PPP1R42: variants seen among roughly 807,000 people sequenced by gnomAD.
PPP1R42 encodes the protein leucine rich repeat containing 67.
PPP1R42 carries 34 observed loss-of-function variants against 31.0 expected under a neutral mutation model. The observed-to-expected ratio is 1.10, with a 90% CI of 0.83 to 1.46. The LOEUF (loss-of-function observed/expected upper bound fraction) is 1.46, where lower values mean the gene tolerates loss of function less well. Ranked by LOEUF, PPP1R42 falls within the 40% of genes most tolerant of loss-of-function variation. The pLI is 0.00. For synonymous variants in PPP1R42, 103 were observed against 109.8 expected (o/e 0.94, Z 0.39); for missense variants, 268 against 303.0 (o/e 0.88, Z 0.86).
chr8:66,969,828 G>C (rs1814493034), intron 7 of PPP1R42, among the ~76,000 whole-genome samples: 2 of 152,276 alleles, frequency 1.3e-5, no homozygotes, highest in South Asian at 4.1e-4. Context: ...TTGGCCTTTA[G>C]TATATTGCGA....
intron 5 of PPP1R42, 46 bp from the exon 6 acceptor site, chr8:66,988,563 C>A: frequency 1.3e-6 from 2 of 1,522,300 alleles, no homozygotes; most frequent in South Asian, 1.2e-5. Context: ...TTCATATTTA[C>A]CAATACTTCT....
intron 7 of PPP1R42, among the ~76,000 whole-genome samples, chr8:66,981,380 CT>C (rs1175089191): frequency 3.4e-3 from 463 of 136,144 alleles, no homozygotes; most frequent in Middle Eastern, 0.011. Context: ...GATTTTTGCA[CT>C]TTTTTTTTTT....
intron 1 of PPP1R42, among the ~76,000 whole-genome samples, chr8:67,020,858 AGAGGATTGCTT>A (rs1175363882): frequency 2.0e-5 from 3 of 152,202 alleles, no homozygotes; most frequent in Non-Finnish European, 4.4e-5. Flanking sequence ...GGCTGAGGCA[AGAGGATTGCTT>A]GAGCCCACGA....
rs116071829 is a variant in PPP1R42 at position 66,980,826 on chromosome 8, A to G, written c.802+1223T>C. 4.2e-3 allele frequency among the ~76,000 whole-genome samples: 644 copies of G among 152,172 alleles called. 9 individuals are homozygous for G. The highest frequency in any genetic ancestry group is 0.015 in the African/African-American group (610 of 41,520). ...GGGCTCATTGCAATGTCATGGGCTA[A>G]AAAATCTGTGGTCAGTTCTTTTTTT... On this transcript the variant is annotated intron_variant, in intron 7 of 7. Coordinates refer to ENST00000685739, the MANE Select transcript of PPP1R42 (RefSeq NM_001364910.1).
chr8:67,025,546 T>C (rs1463193650), intron 1 of PPP1R42, among the ~76,000 whole-genome samples: 2 of 149,110 alleles, frequency 1.3e-5, no homozygotes, highest in Non-Finnish European at 3.0e-5. Context: ...ATCTTAGGGT[T>C]TTTTTTTTTT....
chr8:67,008,707 CAA>C (rs764674038), intron 5 of PPP1R42, among the ~76,000 whole-genome samples: 17 of 72,274 alleles, frequency 2.4e-4, no homozygotes, highest in Admixed American at 2.9e-4. Flanking sequence ...GACTCTGTCT[CAA>C]AAAAAAAAAA....
intron 7 of PPP1R42, among the ~76,000 whole-genome samples, chr8:66,968,150 A>G (rs1563411406): frequency 6.6e-6 from 1 of 152,244 alleles, no homozygotes; most frequent in Non-Finnish European, 1.5e-5. Flanking sequence ...GTTTGACCTA[A>G]TCTTTAATTA....
At chr8:66,973,406 C>A (rs1385798699) in intron 7 of PPP1R42, among the ~76,000 whole-genome samples, 1 of 151,964 alleles carries the variant, frequency 6.6e-6, no homozygotes, top group Non-Finnish European at 1.5e-5. Context: ...CAGGTTCAAG[C>A]AGTTCTCTTG....
At chr8:67,007,571 T>A (rs1447786816) in intron 5 of PPP1R42, among the ~76,000 whole-genome samples, 1 of 152,124 alleles carries the variant, frequency 6.6e-6, no homozygotes, top group Non-Finnish European at 1.5e-5. Flanking sequence ...GATCTTGAAC[T>A]CCTGGCCTCA....
chr8:66,972,760 A>G (rs936655240), intron 7 of PPP1R42, among the ~76,000 whole-genome samples: 3 of 152,172 alleles, frequency 2.0e-5, no homozygotes, highest in African/African-American at 7.2e-5. Flanking sequence ...GAAATTTGTC[A>G]TATTATCCTA....
At chr8:67,019,650 T>C (rs1414597647) in intron 1 of PPP1R42, among the ~76,000 whole-genome samples, 2 of 151,766 alleles carry the variant, frequency 1.3e-5, no homozygotes, top group Non-Finnish European at 2.9e-5. Context: ...CCCAGCACTT[T>C]GGGAAGCCGA....
chr8:66,996,296 C>T (rs752165576), intron 5 of PPP1R42, among the ~76,000 whole-genome samples: 14 of 152,212 alleles, frequency 9.2e-5, no homozygotes, highest in Non-Finnish European at 2.1e-4. Flanking sequence ...AATCAATCCT[C>T]CTGCCTTGGC....
intron 1 of PPP1R42, among the ~76,000 whole-genome samples, 195 bp downstream of exon 1, chr8:67,028,296 A>G (rs1385342824): frequency 1.3e-5 from 2 of 152,128 alleles, no homozygotes; most frequent in Admixed American, 6.6e-5. Flanking sequence ...CTGTTTCACA[A>G]TCTTGCCAGC....
intron 7 of PPP1R42, among the ~76,000 whole-genome samples, chr8:66,968,175 A>ATACTTTATACATT (rs1814438956): frequency 6.6e-6 from 1 of 152,236 alleles, no homozygotes; most frequent in Non-Finnish European, 1.5e-5. Context: ...ATACATTGAT[A>ATACTTTATACATT]GTATCAAGTT....
intron 5 of PPP1R42, among the ~76,000 whole-genome samples, chr8:67,008,028 A>C (rs1255194991): frequency 6.6e-6 from 1 of 151,666 alleles, no homozygotes; most frequent in Non-Finnish European, 1.5e-5. Context: ...CTGGGACTAC[A>C]GGCGCCTGCC....
chr8:67,021,428 G>T (rs1407101848), intron 1 of PPP1R42: 1 of 151,982 alleles, frequency 6.6e-6, no homozygotes, highest in Non-Finnish European at 1.5e-5. Flanking sequence ...TTTGAAATTT[G>T]CATATATCTG....
chr8:66,978,919 C>T (rs1156327336), intron 7 of PPP1R42, among the ~76,000 whole-genome samples: 1 of 151,768 alleles, frequency 6.6e-6, no homozygotes, highest in African/African-American at 2.4e-5. Context: ...TGTTTTTTTG[C>T]TTTTGAGATG....
chr8:67,000,428 A>G (rs951404506), intron 5 of PPP1R42, among the ~76,000 whole-genome samples: 5 of 151,958 alleles, frequency 3.3e-5, no homozygotes, highest in African/African-American at 9.7e-5. Context: ...TGTGATTTCT[A>G]TGGACTTTGT....
intron 7 of PPP1R42, chr8:66,971,014 C>A (rs866505331): frequency 6.5e-7 from 1 of 1,526,858 alleles, no homozygotes; most frequent in South Asian, 1.2e-5. Flanking sequence ...GTAATCTTCT[C>A]AGGAACTTTC....
Sources: allele counts gnomAD v4.1 joint callset (sites outside exome capture counted in the v4.1 genomes callset), GRCh38; gene constraint gnomAD v4.1.1; transcripts MANE v1.5; gene names NCBI Gene and HGNC (gene_info 2026-07-23, HGNC 2026-07-21).